CHMP5: variants seen among roughly 807,000 people sequenced by gnomAD.
CHMP5 encodes SNF7 domain containing 2.
Under a neutral mutation model 33.0 loss-of-function variants are expected in CHMP5, and 17 were observed. The observed-to-expected ratio is 0.52, with a 90% CI of 0.35 to 0.77. The LOEUF (loss-of-function observed/expected upper bound fraction) is 0.77, where lower values mean the gene tolerates loss of function less well. CHMP5 is among the 30% of genes least tolerant of loss of function. The probability of loss-of-function intolerance (pLI) is 0.01; values close to 1 mark genes in which losing one functional copy is unlikely to be tolerated. For synonymous variants in CHMP5, 76 were observed against 90.2 expected, an observed-to-expected ratio of 0.84 and a Z score of 0.89; for missense variants, 216 against 261.5, an observed-to-expected ratio of 0.83 and a Z score of 1.20.
intron 7 of CHMP5, 126 bp from the exon 8 acceptor site, chr9:33,280,683 G>T: frequency 2.6e-6 from 2 of 767,652 alleles, no homozygotes; most frequent in South Asian, 4.1e-5. Context: ...CTCATCTTAT[G>T]ACTGCGATTT....
intron 3 of CHMP5, 149 bp from the exon 4 acceptor site, chr9:33,270,474 T>C: frequency 1.6e-6 from 1 of 625,888 alleles, no homozygotes; most frequent in East Asian, 2.8e-5. Context: ...TTAAATTGTT[T>C]TTGCCAATTT....
At position 33,281,692 on chromosome 9, in the gene CHMP5, A is replaced by G. The variant is rs563059939; in HGVS notation, c.*833A>G. 3.3e-5 allele frequency: 5 copies of G among 152,290 alleles called. No homozygotes were observed. The highest frequency in any genetic ancestry group is 2.6e-4 in the Admixed American group (4 of 15,298). 9.4% of individuals were successfully genotyped at this position (152,290 alleles called of 1,614,324 possible). ...GCCCTGGGTCTACCATTTACTAACTACTGAGTAGTCTATTCAACCTCTCTA... is the reference window on the plus strand; with the variant it reads ...GCCCTGGGTCTACCATTTACTAACTGCTGAGTAGTCTATTCAACCTCTCTA... On this transcript the variant is annotated 3_prime_UTR_variant, in exon 8 of 8. Transcript: ENST00000223500.
intron 2 of CHMP5, 63 bp from the exon 3 acceptor site, chr9:33,267,790 A>T (rs755623517): frequency 1.5e-5 from 17 of 1,102,292 alleles, no homozygotes; most frequent in Non-Finnish European, 2.4e-5. Context: ...AGGCTATGGG[A>T]AATTTCTTTT....
At chr9:33,267,122 A>G (rs1198634775) in intron 2 of CHMP5, among the ~76,000 whole-genome samples, 6 of 152,252 alleles carry the variant, frequency 3.9e-5, no homozygotes, top group Non-Finnish European at 8.8e-5. Flanking sequence ...CTCAGTAAAT[A>G]TGAGTTATGA....
At chr9:33,280,539 T>G (rs1434911431) in intron 7 of CHMP5, among the ~76,000 whole-genome samples, 3 of 152,170 alleles carry the variant, frequency 2.0e-5, no homozygotes, top group Non-Finnish European at 4.4e-5. Context: ...TTTTCCCCTT[T>G]CCAGGTTTAC....
chr9:33,270,923 A>C (rs575203213), intron 4 of CHMP5, among the ~76,000 whole-genome samples: 2 of 152,220 alleles, frequency 1.3e-5, no homozygotes, highest in East Asian at 3.9e-4. Context: ...CTCTACTAAA[A>C]ATACAAAAAT....
In CHMP5 at chr9:33,265,078, G is replaced by A; in HGVS notation, c.-1G>A. The A allele has an allele frequency of 3.1e-6, 5 of 1,614,226 alleles. No individual in the cohort carries two copies. The highest frequency in any genetic ancestry group is 4.2e-6 in the Non-Finnish European group (5 of 1,180,038). Reference sequence around the variant, plus strand: ...TTTGGGTTTCTTCGCGGCTGCTCAAGATGAACCGACTCTTCGGGAAAGCGA... The same window carrying A: ...TTTGGGTTTCTTCGCGGCTGCTCAAAATGAACCGACTCTTCGGGAAAGCGA... On this transcript the variant is annotated 5_prime_UTR_variant, in exon 1 of 8. Coordinates refer to ENST00000223500, the MANE Select transcript of CHMP5 (RefSeq NM_016410.6).
Position 33,276,443 on chromosome 9 carries a change from T to C in CHMP5, c.388-13T>C, listed in dbSNP as rs767144060. The C allele has an allele frequency of 1.9e-5, 28 of 1,440,668 alleles. No individual in the cohort carries two copies. In the East Asian group the frequency reaches 4.3e-4, roughly 22 times the overall value. The allele number at this position is 1,440,668 out of a possible 1,614,324, so 89.2% of individuals were successfully genotyped here. ...GTAAATGAGAGAAAATCCTCTCATATATATTTCCGTAGGATTTACAAGACC... is the reference window on the plus strand; with the variant it reads ...GTAAATGAGAGAAAATCCTCTCATACATATTTCCGTAGGATTTACAAGACC... On this transcript the variant is annotated splice_polypyrimidine_tract_variant and intron_variant, in intron 5 of 7. Coordinates refer to ENST00000223500, the MANE Select transcript of CHMP5 (RefSeq NM_016410.6).
At chr9:33,270,054 A>G (rs1820775143) in intron 3 of CHMP5, among the ~76,000 whole-genome samples, 1 of 152,238 alleles carries the variant, frequency 6.6e-6, no homozygotes, top group East Asian at 1.9e-4. Context: ...ACTAAAATAC[A>G]GTCATGTGCT....
Position 33,278,638 on chromosome 9 carries a change from CT to C in CHMP5, c.609+425del, listed in dbSNP as rs78182977. On this transcript the variant is annotated intron_variant, in intron 7 of 7. Coordinates refer to ENST00000223500, the MANE Select transcript of CHMP5 (RefSeq NM_016410.6). Reference sequence around the variant, plus strand: ...TTTAATTTTATTTTCCTTTCTTTTTCTTTTTTTTTTTTCCTGTACACACAGG... The same window carrying C: ...TTTAATTTTATTTTCCTTTCTTTTTCTTTTTTTTTTTCCTGTACACACAGG... Among the ~76,000 whole-genome samples the C allele has an allele frequency of 1.2e-3, 176 of 144,870 alleles. 2 individuals carry two copies. The Middle Eastern group carries it at 0.014, about 12-fold the overall frequency.
chr9:33,277,650 A>T (rs1820871415), intron 6 of CHMP5: 1 of 158,836 alleles, frequency 6.3e-6, no homozygotes, highest in Non-Finnish European at 1.4e-5. Context: ...TGAGTGGACA[A>T]GACTTAATGA....
At chr9:33,280,765 C>A in intron 7 of CHMP5, 44 bp from the exon 8 acceptor site, 5 of 1,463,774 alleles carry the variant, frequency 3.4e-6, no homozygotes, top group Non-Finnish European at 4.7e-6. Context: ...TTTTTTTTAT[C>A]AAATAGAAAA....
At chr9:33,271,323 C>A in intron 5 of CHMP5, 100 bp downstream of exon 5, 1 of 937,776 alleles carries the variant, frequency 1.1e-6, no homozygotes, top group Non-Finnish European at 1.7e-6. Flanking sequence ...GGAACTGAAT[C>A]TTGGGGCTGC....
In CHMP5 at chr9:33,280,878, T is replaced by C; in HGVS notation, c.*19T>C. 1 of 1,599,330 alleles carries C rather than the reference T, an allele frequency of 6.3e-7. No homozygotes were observed. The highest frequency in any genetic ancestry group is 8.5e-7 in the Non-Finnish European group (1 of 1,171,746). On this transcript the variant is annotated 3_prime_UTR_variant, in exon 8 of 8. Transcript: ENST00000223500. ...TTCATAGATTTGCATCATTCAAGCA[T>C]ATCTTGTAAAACAAACACATATTAT...
chr9:33,273,581 A>G (rs1820819894), intron 5 of CHMP5, among the ~76,000 whole-genome samples: 1 of 152,192 alleles, frequency 6.6e-6, no homozygotes, highest in Non-Finnish European at 1.5e-5. Context: ...TTATTTTCCT[A>G]AAATGCTTTA....
At chr9:33,273,849 A>T (rs1820822878) in intron 5 of CHMP5, among the ~76,000 whole-genome samples, 1 of 151,782 alleles carries the variant, frequency 6.6e-6, no homozygotes, top group Non-Finnish European at 1.5e-5. Flanking sequence ...ATCCGGGAAG[A>T]TGTGTCTTGA....
chr9:33,266,222 C>T (rs1323867234), intron 2 of CHMP5, 108 bp downstream of exon 2: 1 of 628,032 alleles, frequency 1.6e-6, no homozygotes. Flanking sequence ...CATGTAATCC[C>T]AGCACTTTGG....
intron 6 of CHMP5, 159 bp from the exon 7 acceptor site, chr9:33,277,952 CTT>C: frequency 3.9e-6 from 2 of 510,644 alleles, no homozygotes; most frequent in Non-Finnish European, 7.1e-6. Context: ...TTACCACAGA[CTT>C]ATTTTTGGAG....
In CHMP5 at chr9:33,272,725, C is replaced by T. The variant is rs999737535; in HGVS notation, c.387+1502C>T. Among the ~76,000 whole-genome samples the T allele has an allele frequency of 4.6e-5, 7 of 151,966 alleles. No individual in the cohort carries two copies. The South Asian group carries it at 8.3e-4, about 18-fold the overall frequency. On this transcript the variant is annotated intron_variant, in intron 5 of 7. Transcript: ENST00000223500. Reference sequence around the variant, plus strand: ...AGGCTGAGGCAGGAGAATGGCAACCCGAGAGCAGAGCTTGCAGTGAGCCAA... The same window carrying T: ...AGGCTGAGGCAGGAGAATGGCAACCTGAGAGCAGAGCTTGCAGTGAGCCAA...
Sources: gnomAD v4.1 joint callset for allele counts (sites outside exome capture counted in the v4.1 genomes callset) on GRCh38, gnomAD v4.1.1 for gene constraint, MANE v1.5 for transcripts, NCBI Gene and HGNC (gene_info 2026-07-23, HGNC 2026-07-21) for gene names.